The following RIMBP2 variants were observed in gnomAD, a reference collection of about 807,000 sequenced individuals.
The protein encoded by RIMBP2 is RIMS binding protein 2, also known as RIMS-binding protein 2.
A neutral mutation model predicts 118.6 loss-of-function variants in RIMBP2; 48 were observed. The ratio of observed to expected loss-of-function variants is 0.40; its 90% CI spans 0.32 to 0.51. The LOEUF (loss-of-function observed/expected upper bound fraction) is 0.51, where lower values mean the gene tolerates loss of function less well. Ranked by LOEUF, RIMBP2 falls within the 20% of genes least tolerant of loss-of-function variation. The pLI, the probability that RIMBP2 is intolerant of heterozygous loss-of-function variation, is 0.41. For synonymous variants in RIMBP2, 762 were observed against 742.9 expected (o/e 1.03, Z -0.42); for missense variants, 1,551 against 1,768.3 (o/e 0.88, Z 2.20).
intron 1 of RIMBP2, among the ~76,000 whole-genome samples, chr12:130,702,979 C>G (rs2065932385): frequency 6.6e-6 from 1 of 152,156 alleles, no homozygotes; most frequent in African/African-American, 2.4e-5. Context: ...TCCTCCTGGG[C>G]TGAGACAATG....
chr12:130,504,876 C>T (rs2050154353), intron 4 of RIMBP2, among the ~76,000 whole-genome samples: 2 of 152,234 alleles, frequency 1.3e-5, no homozygotes, highest in Admixed American at 6.5e-5. Context: ...ATCAATCAAA[C>T]GTGTCCTCAG....
intron 2 of RIMBP2, among the ~76,000 whole-genome samples, chr12:130,615,968 G>C (rs914562537): frequency 2.0e-5 from 3 of 152,100 alleles, no homozygotes; most frequent in Non-Finnish European, 4.4e-5. Context: ...CGGGGACGTG[G>C]TCTGGACAAC....
At chr12:130,512,325 C>CTT (rs1378508984) in intron 3 of RIMBP2, among the ~76,000 whole-genome samples, 1 of 144,988 alleles carries the variant, frequency 6.9e-6, no homozygotes, top group African/African-American at 2.6e-5. Flanking sequence ...AAGTCCATTG[C>CTT]TTTCTTTTTT....
intron 1 of RIMBP2, among the ~76,000 whole-genome samples, chr12:130,642,992 G>A (rs1166522843): frequency 1.3e-5 from 2 of 152,158 alleles, no homozygotes; most frequent in East Asian, 3.9e-4. Context: ...ATCCCCACCT[G>A]CTCTGGAGTT....
chr12:130,664,445 ACG>A (rs1491488082), intron 1 of RIMBP2, among the ~76,000 whole-genome samples: 59 of 104,874 alleles, frequency 5.6e-4, no homozygotes, highest in Middle Eastern at 4.5e-3. Flanking sequence ...GCACGCACAC[ACG>A]CACACACATG....
intron 1 of RIMBP2, among the ~76,000 whole-genome samples, chr12:130,646,157 A>G (rs1269094488): frequency 3.7e-5 from 3 of 81,364 alleles, no homozygotes; most frequent in East Asian, 3.1e-4. Flanking sequence ...CTGCCTCTCC[A>G]CCTCCCTCAC....
Position 130,434,681 on chromosome 12 carries a change from G to C in RIMBP2, c.2253+53C>G. On this transcript the variant is annotated intron_variant, in intron 14 of 22. Transcript: ENST00000690449. This position sits in a 1 kb window ranked among gnomAD's most constrained non-coding sequence, Gnocchi z 5.7. Reference sequence around the variant, plus strand: ...ATGTCTCTTGATCTCCACGGGGCCCGCTCCGAGCCCGCGCCCACCAGGAGG... The same window carrying C: ...ATGTCTCTTGATCTCCACGGGGCCCCCTCCGAGCCCGCGCCCACCAGGAGG... The C allele has an allele frequency of 6.4e-7, 1 of 1,565,248 alleles. No individual in the cohort carries two copies. The highest frequency in any genetic ancestry group is 8.6e-7 in the Non-Finnish European group (1 of 1,158,628).
chr12:130,711,760 A>C lies in RIMBP2; in HGVS notation c.-352+4462T>G, dbSNP rs370076180. Among the ~76,000 whole-genome samples, 11 of 152,370 alleles carry C rather than the reference A, an allele frequency of 7.2e-5. No individual in the cohort carries two copies. In the East Asian group the frequency reaches 2.1e-3, roughly 29 times the overall value. Reference sequence around the variant, plus strand: ...TACAGTGTGACTGGCTTGTTCAAAGATAAATGCAGTCACGCCTTGCTTAAC... The same window carrying C: ...TACAGTGTGACTGGCTTGTTCAAAGCTAAATGCAGTCACGCCTTGCTTAAC... On this transcript the variant is annotated intron_variant, in intron 1 of 22. Transcript: ENST00000690449.
At chr12:130,693,253 A>AGAAT (rs796683931) in intron 1 of RIMBP2, among the ~76,000 whole-genome samples, 1 of 152,210 alleles carries the variant, frequency 6.6e-6, no homozygotes, top group African/African-American at 2.4e-5. Context: ...ATTGAAAGAA[A>AGAAT]GAATGAATGA....
intron 7 of RIMBP2, 46 bp downstream of exon 7, chr12:130,456,449 GC>G (rs2079445871): frequency 6.7e-7 from 1 of 1,500,908 alleles, no homozygotes; most frequent in Non-Finnish European, 9.0e-7. Flanking sequence ...GCAGCCAACG[GC>G]CATTCTCTCC....
intron 2 of RIMBP2, among the ~76,000 whole-genome samples, chr12:130,618,018 C>T (rs2061055869): frequency 1.5e-3 from 1 of 662 alleles, no homozygotes; most frequent in Admixed American, 0.062. Context: ...ATAGAAAGAC[C>T]TCTTCTAAAA....
intron 2 of RIMBP2, among the ~76,000 whole-genome samples, chr12:130,598,455 G>A (rs1593973006): frequency 3.3e-5 from 5 of 152,174 alleles, no homozygotes; most frequent in South Asian, 2.1e-4. Flanking sequence ...GGAGCCAAGT[G>A]CAGTGGCTCA....
In RIMBP2 at chr12:130,446,692, G is replaced by A. The variant is rs556410634; in HGVS notation, c.582-1423C>T. The stretch of plus-strand genomic sequence containing the variant: ...TGCGCCAAGGCCCAGAGGCAGGGAG[G>A]AGAGAGATGAGGTTGGCAGGGACCA... On this transcript the variant is annotated intron_variant, in intron 9 of 22. Coordinates refer to ENST00000690449, the MANE Select transcript of RIMBP2 (RefSeq NM_001393629.1). The surrounding 1 kb of genome is among the most constrained non-coding windows in gnomAD (Gnocchi z 4.1). Among the ~76,000 whole-genome samples, 5 of 152,362 alleles carry A rather than the reference G, an allele frequency of 3.3e-5. No homozygotes were observed. The South Asian group carries it at 1.0e-3, about 32-fold the overall frequency.
At chr12:130,635,052 CT>C (rs1173009004) in intron 1 of RIMBP2, among the ~76,000 whole-genome samples, 1 of 152,202 alleles carries the variant, frequency 6.6e-6, no homozygotes, top group African/African-American at 2.4e-5. Flanking sequence ...CCAGCTCCCC[CT>C]GCCCCAGGGG....
intron 1 of RIMBP2, among the ~76,000 whole-genome samples, chr12:130,631,542 C>T (rs148644791): frequency 0.011 from 1,636 of 152,198 alleles, 43 homozygotes; most frequent in Middle Eastern, 0.01. Flanking sequence ...ACACGTTTCC[C>T]TGAATCATGA....
rs770656037 is a variant in RIMBP2, at chr12:130,670,190, G to C, written c.-351-41734C>G. On this transcript the variant is annotated intron_variant, in intron 1 of 22. Coordinates refer to ENST00000690449, the MANE Select transcript of RIMBP2 (RefSeq NM_001393629.1). This position sits in a 1 kb window ranked among gnomAD's most constrained non-coding sequence, Gnocchi z 4.9. ...TACGGTTGGGAGAGACAAGGAAGAG[G>C]CCCTCCCTTGAGCTCTGGGAGGGAG... 2.3e-4 allele frequency among the ~76,000 whole-genome samples: 35 copies of C among 152,052 alleles called. No homozygotes were observed. Among genetic ancestry groups the C allele is most frequent in the Admixed American group, 3.3e-4 (5 of 15,268 alleles).
chr12:130,645,278 G>A (rs1395120055), intron 1 of RIMBP2, among the ~76,000 whole-genome samples: 1 of 152,088 alleles, frequency 6.6e-6, no homozygotes, highest in Non-Finnish European at 1.5e-5. Context: ...TTTTAATAGA[G>A]ACGGGTTTCA....
At position 130,598,300 on chromosome 12, in the gene RIMBP2, A is replaced by AT. The variant is rs1197903346; in HGVS notation, c.-217+30021dup. The stretch of plus-strand genomic sequence containing the variant: ...GAAGAATCTATGTTGTTAAGAGGTC[A>AT]TTTTTTAATGAATTGATCTACAGAT... On this transcript the variant is annotated intron_variant, in intron 2 of 22. Transcript: ENST00000690449. 2.0e-5 allele frequency among the ~76,000 whole-genome samples: 3 copies of AT among 152,306 alleles called. No homozygotes were observed. The East Asian group carries it at 5.8e-4, about 29-fold the overall frequency.
At chr12:130,615,272 C>CATATATATATATAT (rs1555309104) in intron 2 of RIMBP2, among the ~76,000 whole-genome samples, 552 of 38,676 alleles carry the variant, frequency 0.014, 5 homozygotes, top group Middle Eastern at 0.033. Flanking sequence ...ACATAATACA[C>CATATATATATATAT]ATACATATAT....
Sources: allele counts gnomAD v4.1 joint callset (sites outside exome capture counted in the v4.1 genomes callset), GRCh38; gene constraint gnomAD v4.1.1; non-coding constraint Gnocchi (gnomAD v3.1); transcripts MANE v1.5; gene names NCBI Gene and HGNC (gene_info 2026-07-23, HGNC 2026-07-21).